Variants in TNFSF14 observed in about 807,000 individuals in gnomAD.
The protein encoded by TNFSF14 is tumor necrosis factor ligand superfamily member 14.
A neutral mutation model predicts 22.7 loss-of-function variants in TNFSF14; 15 were observed. The observed-to-expected ratio is 0.66, with a 90% CI of 0.44 to 1.02. The LOEUF is 1.02. Among genes scored for constraint, TNFSF14 ranks in the 50% least tolerant of loss-of-function variants. The pLI is 0.00. For synonymous variants in TNFSF14, 133 were observed against 139.6 expected (o/e 0.95, Z 0.33); for missense variants, 287 against 326.2 (o/e 0.88, Z 0.93).
At chr19:6,669,438 A>G (rs1207987493) in intron 1 of TNFSF14, among the ~76,000 whole-genome samples, 1 of 152,170 alleles carries the variant, frequency 6.6e-6, no homozygotes, top group Non-Finnish European at 1.5e-5. Context: ...AGCAGAGATC[A>G]TGCCATTGCA....
In TNFSF14 at chr19:6,661,950, A is replaced by G. The variant is rs1917256373; in HGVS notation, c.*2976T>C. On this transcript the variant is annotated 3_prime_UTR_variant, in exon 4 of 4. Transcript: ENST00000675206. ...AGTAAACTTCGTGGTGTGTGCCTGC[A>G]TTTCCACTGCAATCTATCACATGTG... is the stretch of plus-strand genomic sequence containing the variant. 1 of 152,270 alleles carries G rather than the reference A, an allele frequency of 6.6e-6. No individual in the cohort carries two copies. Among genetic ancestry groups the G allele is most frequent in the Admixed American group, 6.5e-5 (1 of 15,284 alleles). 9.4% of individuals were successfully genotyped at this position (152,270 alleles called of 1,614,324 possible). A position where few individuals can be genotyped will look rare whatever the true frequency, so the allele number is the denominator to read the frequency against.
chr19:6,668,678 A>G (rs1917499840), intron 1 of TNFSF14, among the ~76,000 whole-genome samples: 1 of 152,148 alleles, frequency 6.6e-6, no homozygotes, highest in Non-Finnish European at 1.5e-5. Flanking sequence ...ACTACACTAC[A>G]GCCTGGGCTA....
In TNFSF14 at chr19:6,663,498, T is replaced by C. The variant is rs908915489; in HGVS notation, c.*1428A>G. ...ATGTGTATTTGTCATGGTGATATTG[T>C]GTGTGTGTATGTGTGTAACCAGGTC... is the stretch of plus-strand genomic sequence containing the variant. On this transcript the variant is annotated 3_prime_UTR_variant, in exon 4 of 4. Coordinates refer to ENST00000675206, the MANE Select transcript of TNFSF14 (RefSeq NM_001376887.1). 6.6e-6 allele frequency: 1 copy of C among 152,516 alleles called. No homozygotes were observed. Among genetic ancestry groups the C allele is most frequent in the Non-Finnish European group, 1.5e-5 (1 of 68,078 alleles). The allele number at this position is 152,516 out of a possible 1,614,324, so 9.4% of individuals were successfully genotyped here.
chr19:6,666,172 C>A (rs894411584), intron 3 of TNFSF14, among the ~76,000 whole-genome samples: 3 of 151,914 alleles, frequency 2.0e-5, no homozygotes, highest in African/African-American at 7.3e-5. Flanking sequence ...ACAGGAAGAT[C>A]CCCTGAGCCC....
Position 6,661,654 on chromosome 19 carries a change from A to G in TNFSF14, c.*3272T>C, listed in dbSNP as rs1161242459. The G allele has an allele frequency of 6.6e-6, 1 of 152,258 alleles. No homozygotes were observed. Among genetic ancestry groups the G allele is most frequent in the Admixed American group, 6.5e-5 (1 of 15,272 alleles). The allele number at this position is 152,258 out of a possible 1,614,324, so 9.4% of individuals were successfully genotyped here. ...TGAGAGACTGCAAGCGAAGAAGCCA[A>G]AATAGAGTCTGCCTGGCCCTCTCAG... is the stretch of plus-strand genomic sequence containing the variant. On this transcript the variant is annotated 3_prime_UTR_variant, in exon 4 of 4. Coordinates refer to ENST00000675206, the MANE Select transcript of TNFSF14 (RefSeq NM_001376887.1).
chr19:6,668,857 T>C (rs143563457), intron 1 of TNFSF14, among the ~76,000 whole-genome samples: 131 of 152,256 alleles, frequency 8.6e-4, no homozygotes, highest in African/African-American at 3.0e-3. Context: ...TGGTTTGTGG[T>C]TTATGGATCC....
upstream of TNFSF14, chr19:6,670,226 C>T (rs1917567177): frequency 3.5e-6 from 5 of 1,443,140 alleles, no homozygotes; most frequent in Admixed American, 8.0e-5. Context: ...CCCACTCACC[C>T]TCCTCTTCTT....
Position 6,663,462 on chromosome 19 carries a change from G to C in TNFSF14, c.*1464C>G, listed in dbSNP as rs1360574389. 1 of 152,174 alleles carries C rather than the reference G, an allele frequency of 6.6e-6. No homozygotes were observed. The highest frequency in any genetic ancestry group is 1.5e-5 in the Non-Finnish European group (1 of 68,070). The allele number at this position is 152,174 out of a possible 1,614,324, so 9.4% of individuals were successfully genotyped here. ...AATGTGTGTTTGTCATTGTGATGTT[G>C]TGTGTGTGTAATGTGTATTTGTCAT... On this transcript the variant is annotated 3_prime_UTR_variant, in exon 4 of 4. Transcript: ENST00000675206.
chr19:6,670,330 G>T, upstream of TNFSF14: 1 of 1,286,076 alleles, frequency 7.8e-7, no homozygotes, highest in Non-Finnish European at 1.0e-6. Flanking sequence ...TGACTCAGGT[G>T]GCAAGTGCAG....
chr19:6,665,396 C>T, intron 3 of TNFSF14, 46 bp from the exon 4 acceptor site: 1 of 1,472,458 alleles, frequency 6.8e-7, no homozygotes, highest in Middle Eastern at 2.3e-4. Context: ...CAGCACATGT[C>T]TTCCTCTGTT....
chr19:6,665,655 C>T lies in TNFSF14; in HGVS notation c.299-305G>A, dbSNP rs532487639. Among the ~76,000 whole-genome samples the T allele has an allele frequency of 1.1e-3, 168 of 152,070 alleles. 2 individuals carry two copies. The highest frequency in any genetic ancestry group is 3.5e-3 in the African/African-American group (147 of 41,476). Reference sequence around the variant, plus strand: ...AACTCCTGACTTCAGGTGATCCACCCGCCTCGGCCTCCCAGAGTGCTGGGA... The same window carrying T: ...AACTCCTGACTTCAGGTGATCCACCTGCCTCGGCCTCCCAGAGTGCTGGGA... On this transcript the variant is annotated intron_variant, in intron 3 of 3. Transcript: ENST00000675206.
chr19:6,670,247 C>G (rs1917568436), upstream of TNFSF14: 1 of 1,434,728 alleles, frequency 7.0e-7, no homozygotes, highest in Admixed American at 2.7e-5. Context: ...CCGGTACCCG[C>G]CGCCCCCGGT....
upstream of TNFSF14, chr19:6,670,162 C>T (rs1442819922): frequency 3.8e-5 from 58 of 1,528,396 alleles, no homozygotes; most frequent in South Asian, 2.7e-4. Flanking sequence ...GTGCACGCTG[C>T]GGACAGGCAC....
rs1917284023 is a variant in TNFSF14, at chr19:6,662,931, G to T, written c.*1995C>A. On this transcript the variant is annotated 3_prime_UTR_variant, in exon 4 of 4. Transcript: ENST00000675206. ...GTCTCTGGTTTCCCCCACATTTCCT[G>T]CATGGACTTGAGCCAACTGGGTCCA... The T allele has an allele frequency of 6.6e-6, 1 of 152,200 alleles. No homozygotes were observed. The highest frequency in any genetic ancestry group is 2.4e-5 in the African/African-American group (1 of 41,426). The allele number at this position is 152,200 out of a possible 1,614,324, so 9.4% of individuals were successfully genotyped here. A position where few individuals can be genotyped will look rare whatever the true frequency, so the allele number is the denominator to read the frequency against.
At position 6,666,588 on chromosome 19, in the gene TNFSF14, G is replaced by A. The variant is rs527840727; in HGVS notation, c.298+525C>T. On this transcript the variant is annotated intron_variant, in intron 3 of 3. Transcript: ENST00000675206. Reference sequence around the variant, plus strand: ...ACATAACACAGCATAAGCACTATATGAGAGTTCATTAAATTAATAAAACTA... The same window carrying A: ...ACATAACACAGCATAAGCACTATATAAGAGTTCATTAAATTAATAAAACTA... 2.0e-4 allele frequency among the ~76,000 whole-genome samples: 31 copies of A among 152,188 alleles called. 1 individual carries two copies. In the East Asian group the frequency reaches 6.0e-3, roughly 29 times the overall value.
chr19:6,670,583 G>GTC (rs1325793424), upstream of TNFSF14: 1 of 158,358 alleles, frequency 6.3e-6, no homozygotes, highest in Non-Finnish European at 1.4e-5. Context: ...TTGAGATGGA[G>GTC]TCTCGCTCTG....
chr19:6,668,651 T>G (rs148865014), intron 1 of TNFSF14, among the ~76,000 whole-genome samples: 11 of 151,900 alleles, frequency 7.2e-5, no homozygotes, highest in African/African-American at 2.7e-4. Context: ...GGGGTTGTAG[T>G]GAGCCAAGAC....
At position 6,665,359 on chromosome 19, in the gene TNFSF14, AAG is replaced by A. The variant is rs1261110656; in HGVS notation, c.299-11_299-10del. On this transcript the variant is annotated splice_polypyrimidine_tract_variant and intron_variant, in intron 3 of 3. Coordinates refer to ENST00000675206, the MANE Select transcript of TNFSF14 (RefSeq NM_001376887.1). ...CAAGCTGGAGTTGGCCCCTGTTGGG[AAG>A]AGAGAGACAAAGGGGGCTGCCGGTC... is the stretch of plus-strand genomic sequence containing the variant. The A allele has an allele frequency of 1.3e-6, 2 of 1,545,816 alleles. No homozygotes were observed. The highest frequency in any genetic ancestry group is 2.3e-5 in the East Asian group (1 of 42,964).
chr19:6,668,126 CCAAAGTGGGAGGACAGCT>C (rs1917482520), intron 1 of TNFSF14, among the ~76,000 whole-genome samples: 1 of 151,870 alleles, frequency 6.6e-6, no homozygotes. Context: ...CTTTGGGAGG[CCAAAGTGGGAGGACAGCT>C]TGAGGCCAGG....
Sources: allele counts gnomAD v4.1 joint callset (sites outside exome capture counted in the v4.1 genomes callset), GRCh38; gene constraint gnomAD v4.1.1; transcripts MANE v1.5; gene names NCBI Gene and HGNC (gene_info 2026-07-23, HGNC 2026-07-21).